The following SRD5A3 variants were observed in gnomAD, a reference collection of about 807,000 sequenced individuals.
The protein encoded by SRD5A3 is steroid 5 alpha-reductase 3, also known as polyprenal reductase.
In SRD5A3, 24 loss-of-function variants were observed where a neutral mutation model predicts 34.3. That is an observed-to-expected ratio of 0.70 (90% CI 0.51 to 0.99). SRD5A3 has a LOEUF of 0.99. Among genes scored for constraint, SRD5A3 ranks in the 50% least tolerant of loss-of-function variants. The pLI, the probability that SRD5A3 is intolerant of heterozygous loss-of-function variation, is 0.00. For missense variants in SRD5A3, 350 were observed against 388.2 expected (o/e 0.90, Z 0.83); for synonymous variants, 161 against 167.3 (o/e 0.96, Z 0.29).
chr4:55,356,236 C>T (rs1278609101), intron 1 of SRD5A3, among the ~76,000 whole-genome samples: 1 of 151,748 alleles, frequency 6.6e-6, no homozygotes, highest in Non-Finnish European at 1.5e-5. Flanking sequence ...TTCGAACTCC[C>T]GACCTCAGGT....
chr4:55,354,323 CCTGACCTCAGGTGAT>C (rs748852081), intron 1 of SRD5A3, among the ~76,000 whole-genome samples: 1 of 152,162 alleles, frequency 6.6e-6, no homozygotes, highest in Non-Finnish European at 1.5e-5. Context: ...GTCTTGAACT[CCTGACCTCAGGTGAT>C]CTGCCCTCAG....
At chr4:55,355,541 GCCTGTGAATGAAAGACA>G (rs1560368093) in intron 1 of SRD5A3, among the ~76,000 whole-genome samples, 1 of 151,998 alleles carries the variant, frequency 6.6e-6, no homozygotes. Flanking sequence ...AACACAATGT[GCCTGTGAATGAAAGACA>G]CCATGACACA....
chr4:55,353,698 G>A (rs907801933), intron 1 of SRD5A3, among the ~76,000 whole-genome samples: 1 of 151,992 alleles, frequency 6.6e-6, no homozygotes, highest in African/African-American at 2.4e-5. Flanking sequence ...CCACCTGGAG[G>A]AACAAACAAC....
chr4:55,366,931 TC>T (rs1174604949), intron 3 of SRD5A3: 1 of 152,852 alleles, frequency 6.5e-6, no homozygotes, highest in African/African-American at 2.4e-5. Context: ...TTTGAGTGTT[TC>T]CACTCCTGAA....
chr4:55,346,727 C>G (rs1373976353), intron 1 of SRD5A3, among the ~76,000 whole-genome samples, 170 bp downstream of exon 1: 1 of 152,126 alleles, frequency 6.6e-6, no homozygotes, highest in African/African-American at 2.4e-5. Context: ...GGCCATGCCC[C>G]GGCTGCTGCG....
intron 1 of SRD5A3, among the ~76,000 whole-genome samples, chr4:55,349,370 A>G (rs1719106963): frequency 6.6e-6 from 1 of 152,232 alleles, no homozygotes; most frequent in East Asian, 1.9e-4. Context: ...AAATAAGTTC[A>G]TAATTGCTAC....
intron 1 of SRD5A3, among the ~76,000 whole-genome samples, chr4:55,355,195 A>G (rs1288997343): frequency 6.6e-6 from 1 of 152,214 alleles, no homozygotes; most frequent in Non-Finnish European, 1.5e-5. Context: ...GCGGTGGCTC[A>G]CGCCTGTAAT....
chr4:55,370,429 CTTCA>C lies in SRD5A3; in HGVS notation c.*339_*342del. On this transcript the variant is annotated 3_prime_UTR_variant, in exon 5 of 5. Coordinates refer to ENST00000264228, the MANE Select transcript of SRD5A3 (RefSeq NM_024592.5). The stretch of plus-strand genomic sequence containing the variant: ...CGAAAAACCGAAAATATACAAACAG[CTTCA>C]CACACACACACACACACACACACAC... The C allele has an allele frequency of 3.5e-6, 1 of 287,998 alleles. No individual in the cohort carries two copies. The highest frequency in any genetic ancestry group is 2.9e-5 in the South Asian group (1 of 34,252). 17.8% of individuals were successfully genotyped at this position (287,998 alleles called of 1,614,324 possible).
In SRD5A3 at chr4:55,370,210, T is replaced by C; in HGVS notation, c.*119T>C. On this transcript the variant is annotated 3_prime_UTR_variant, in exon 5 of 5. Coordinates refer to ENST00000264228, the MANE Select transcript of SRD5A3 (RefSeq NM_024592.5). ...TGTTTGAAACTCTCCATTCCATTTC[T>C]ATACCCCACAAGTTTTCACTGAATG... The C allele has an allele frequency of 7.3e-7, 1 of 1,370,396 alleles. No individual in the cohort carries two copies. The highest frequency in any genetic ancestry group is 1.0e-6 in the Non-Finnish European group (1 of 975,780). 84.9% of individuals were successfully genotyped at this position (1,370,396 alleles called of 1,614,324 possible).
intron 4 of SRD5A3, among the ~76,000 whole-genome samples, chr4:55,368,394 A>C (rs1719986107): frequency 7.4e-6 from 1 of 135,756 alleles, no homozygotes; most frequent in Non-Finnish European, 1.6e-5. Flanking sequence ...AAAATTGAAT[A>C]GTTTTATTTA....
In SRD5A3 at chr4:55,370,400, T is replaced by G; in HGVS notation, c.*309T>G. On this transcript the variant is annotated 3_prime_UTR_variant, in exon 5 of 5. Coordinates refer to ENST00000264228, the MANE Select transcript of SRD5A3 (RefSeq NM_024592.5). The stretch of plus-strand genomic sequence containing the variant: ...TCTCCAAGCTGCTTCACAAGCAAAC[T>G]AACCGAAAAACCGAAAATATACAAA... 1 of 378,636 alleles carries G rather than the reference T, an allele frequency of 2.6e-6. No individual in the cohort carries two copies. The highest frequency in any genetic ancestry group is 4.9e-6 in the Non-Finnish European group (1 of 202,258). 23.5% of individuals were successfully genotyped at this position (378,636 alleles called of 1,614,324 possible). A position where few individuals can be genotyped will look rare whatever the true frequency, so the allele number is the denominator to read the frequency against.
Position 55,371,842 on chromosome 4 carries a change from AT to A in SRD5A3, c.*1752del, listed in dbSNP as rs1720138191. 1 of 152,212 alleles carries A rather than the reference AT, an allele frequency of 6.6e-6. No homozygotes were observed. The highest frequency in any genetic ancestry group is 2.4e-5 in the African/African-American group (1 of 41,442). The allele number at this position is 152,212 out of a possible 1,614,324, so 9.4% of individuals were successfully genotyped here. ...GGTAATTGTTGTATTTTTAGTAGAG[AT>A]AGAGTTTCACCATGTTGGCCAGGCT... On this transcript the variant is annotated 3_prime_UTR_variant, in exon 5 of 5. Coordinates refer to ENST00000264228, the MANE Select transcript of SRD5A3 (RefSeq NM_024592.5).
In SRD5A3 at chr4:55,360,202, G is replaced by A. The variant is rs565125567; in HGVS notation, c.364+714G>A. On this transcript the variant is annotated intron_variant, in intron 2 of 4. Transcript: ENST00000264228. ...TGCACTCCAGCCTGGGCAACAGAGC[G>A]AGACTGTGTTTCAAAAAAAAAAAAA... 1.2e-4 allele frequency among the ~76,000 whole-genome samples: 16 copies of A among 136,898 alleles called. No homozygotes were observed. In the East Asian group the frequency reaches 2.0e-3, roughly 17 times the overall value. 89.8% of individuals were successfully genotyped at this position (136,898 alleles called of 152,430 possible). A position where few individuals can be genotyped will look rare whatever the true frequency, so the allele number is the denominator to read the frequency against.
In SRD5A3 at chr4:55,372,702, C is replaced by A. The variant is rs1720170354; in HGVS notation, c.*2611C>A. 1 of 152,110 alleles carries A rather than the reference C, an allele frequency of 6.6e-6. No homozygotes were observed. The highest frequency in any genetic ancestry group is 1.5e-5 in the Non-Finnish European group (1 of 68,026). The allele number at this position is 152,110 out of a possible 1,614,324, so 9.4% of individuals were successfully genotyped here. On this transcript the variant is annotated 3_prime_UTR_variant, in exon 5 of 5. Coordinates refer to ENST00000264228, the MANE Select transcript of SRD5A3 (RefSeq NM_024592.5). ...ATGGTTTTCCTGTTGGCTTAAATAG[C>A]CTTAATCTTTCATTTTCTACTACCA...
At chr4:55,369,586 C>G in intron 4 of SRD5A3, 1 of 517,734 alleles carries the variant, frequency 1.9e-6, no homozygotes, top group Non-Finnish European at 3.4e-6. Flanking sequence ...AAAAAATGAG[C>G]CAGGCATGGT....
chr4:55,351,635 C>T (rs777543733), intron 1 of SRD5A3, among the ~76,000 whole-genome samples: 1 of 151,178 alleles, frequency 6.6e-6, no homozygotes, highest in Non-Finnish European at 1.5e-5. Flanking sequence ...CCAGCCTGGG[C>T]AACAACAGCG....
intron 1 of SRD5A3, among the ~76,000 whole-genome samples, chr4:55,353,744 C>T (rs1469240758): frequency 6.6e-6 from 1 of 152,188 alleles, no homozygotes; most frequent in Admixed American, 6.5e-5. Context: ...GTAACACTCA[C>T]TGCCGAGGTC....
At chr4:55,352,464 C>T (rs1017955402) in intron 1 of SRD5A3, 7 of 673,746 alleles carry the variant, frequency 1.0e-5, no homozygotes, top group South Asian at 4.5e-5. Flanking sequence ...GTAGCCTTCA[C>T]GAAACTGCCG....
At chr4:55,358,483 T>C (rs60029377) in intron 1 of SRD5A3, among the ~76,000 whole-genome samples, 3,080 of 133,850 alleles carry the variant, frequency 0.023, 117 homozygotes, top group African/African-American at 0.084. Flanking sequence ...TTGCAGTGAG[T>C]GGTGATCACA....
Sources: allele counts gnomAD v4.1 joint callset (sites outside exome capture counted in the v4.1 genomes callset), GRCh38; gene constraint gnomAD v4.1.1; transcripts MANE v1.5; gene names NCBI Gene and HGNC (gene_info 2026-07-23, HGNC 2026-07-21).